SSBP2: variants seen among roughly 807,000 people sequenced by gnomAD.
SSBP2 encodes the protein single-stranded DNA-binding protein 2.
In SSBP2, 17 loss-of-function variants were observed where a neutral mutation model predicts 61.8. The ratio of observed to expected loss-of-function variants is 0.28; its 90% CI spans 0.19 to 0.41. The LOEUF (loss-of-function observed/expected upper bound fraction) is 0.41. Among genes scored for constraint, SSBP2 ranks in the 10% least tolerant of loss-of-function variants. The pLI, the probability that SSBP2 is intolerant of heterozygous loss-of-function variation, is 1.00. For synonymous variants in SSBP2, 139 were observed against 141.3 expected (o/e 0.98, Z 0.12); for missense variants, 310 against 458.7 (o/e 0.68, Z 2.96).
intron 7 of SSBP2, 87 bp downstream of exon 7, chr5:81,474,409 C>T (rs1765451645): frequency 8.6e-7 from 1 of 1,162,292 alleles, no homozygotes; most frequent in Non-Finnish European, 1.3e-6. Flanking sequence ...AGGAGATTTA[C>T]TTATACAAAT....
At chr5:81,420,577 G>C (rs1327112408) in intron 16 of SSBP2, 44 bp from the exon 17 acceptor site, 13 of 1,529,234 alleles carry the variant, frequency 8.5e-6, no homozygotes, top group Non-Finnish European at 1.2e-5. Context: ...AATTCTTTTA[G>C]AGATCACTAA....
intron 4 of SSBP2, among the ~76,000 whole-genome samples, chr5:81,573,372 G>A (rs890409385): frequency 6.6e-6 from 1 of 152,202 alleles, no homozygotes; most frequent in Admixed American, 6.5e-5. Flanking sequence ...TGCCAATGTC[G>A]AAAGCATGGC....
intron 6 of SSBP2, 119 bp from the exon 7 acceptor site, chr5:81,474,681 CAAGATTTCTT>C: frequency 1.5e-6 from 1 of 687,766 alleles, no homozygotes; most frequent in Non-Finnish European, 2.2e-6. Context: ...GAGTATTTCT[CAAGATTTCTT>C]ATATTTCACA....
chr5:81,441,594 T>C (rs1442551004), intron 13 of SSBP2, among the ~76,000 whole-genome samples: 1 of 152,154 alleles, frequency 6.6e-6, no homozygotes, highest in Non-Finnish European at 1.5e-5. Flanking sequence ...ATGAAGGCTT[T>C]TAGGAAGAAA....
intron 1 of SSBP2, among the ~76,000 whole-genome samples, chr5:81,683,419 A>G (rs994271508): frequency 5.3e-5 from 8 of 152,186 alleles, no homozygotes; most frequent in African/African-American, 1.9e-4. Context: ...TGAACAATTG[A>G]GCATAGATGT....
chr5:81,532,445 CGT>C lies in SSBP2; in HGVS notation c.283-18730_283-18729del, dbSNP rs1378637904. ...GAGCAATTGCTAAAAACAATAAAGA[CGT>C]ATACCTAACAGTAGAGAGAAAATGA... On this transcript the variant is annotated intron_variant, in intron 4 of 16. Coordinates refer to ENST00000320672, the MANE Select transcript of SSBP2 (RefSeq NM_012446.5). 2.0e-5 allele frequency among the ~76,000 whole-genome samples: 3 copies of C among 150,248 alleles called. No individual in the cohort carries two copies. In the South Asian group the frequency reaches 6.4e-4, roughly 32 times the overall value.
chr5:81,599,706 C>T (rs1744151471), intron 4 of SSBP2, among the ~76,000 whole-genome samples: 1 of 152,198 alleles, frequency 6.6e-6, no homozygotes, highest in Non-Finnish European at 1.5e-5. Flanking sequence ...GACATCTCTG[C>T]TTTTTCAATA....
At chr5:81,626,885 T>C (rs1256300226) in intron 3 of SSBP2, among the ~76,000 whole-genome samples, 1 of 152,228 alleles carries the variant, frequency 6.6e-6, no homozygotes, top group African/African-American at 2.4e-5. Flanking sequence ...TATGTGTTAC[T>C]GAGATGAGCA....
At chr5:81,579,458 G>T (rs1195494709) in intron 4 of SSBP2, among the ~76,000 whole-genome samples, 3 of 152,000 alleles carry the variant, frequency 2.0e-5, no homozygotes, top group Non-Finnish European at 4.4e-5. Flanking sequence ...TGCTCTAAGT[G>T]CTAAGGTCTA....
rs143969552 is a variant in SSBP2, at chr5:81,606,704, C to T, written c.282+8769G>A. 3.9e-3 allele frequency among the ~76,000 whole-genome samples: 591 copies of T among 152,202 alleles called. 1 individual carries two copies. The highest frequency in any genetic ancestry group is 6.8e-3 in the Non-Finnish European group (463 of 68,006). ...CTCTTTAGCCTTCCCAGTGTTATTGCTACCTCTTGTATTTCTCTGTAGTGA... is the reference window on the plus strand; with the variant it reads ...CTCTTTAGCCTTCCCAGTGTTATTGTTACCTCTTGTATTTCTCTGTAGTGA... On this transcript the variant is annotated intron_variant, in intron 4 of 16. Transcript: ENST00000320672.
intron 4 of SSBP2, among the ~76,000 whole-genome samples, chr5:81,552,558 A>C (rs996824747): frequency 3.3e-5 from 5 of 151,968 alleles, no homozygotes; most frequent in Non-Finnish European, 4.4e-5. Flanking sequence ...GACTCACTTG[A>C]ACCCAGGAGG....
In SSBP2 at chr5:81,412,931, C is replaced by T. The variant is rs755194623; in HGVS notation, c.*7573G>A. ...CAGCCATTGATATATGCATTGTAGC[C>T]TCTTCTTCCATGCATATAGATCCTT... On this transcript the variant is annotated 3_prime_UTR_variant, in exon 17 of 17. Transcript: ENST00000320672. 9 of 152,028 alleles carry T rather than the reference C, an allele frequency of 5.9e-5. No individual in the cohort carries two copies. Among genetic ancestry groups the T allele is most frequent in the Non-Finnish European group, 1.0e-4 (7 of 67,992 alleles). The allele number at this position is 152,028 out of a possible 1,614,324, so 9.4% of individuals were successfully genotyped here. A position where few individuals can be genotyped will look rare whatever the true frequency, so the allele number is the denominator to read the frequency against.
intron 4 of SSBP2, among the ~76,000 whole-genome samples, chr5:81,561,665 T>G (rs940031959): frequency 6.6e-6 from 1 of 151,734 alleles, no homozygotes; most frequent in Non-Finnish European, 1.5e-5. Flanking sequence ...CCTATATTAC[T>G]TAGAAGAAAT....
chr5:81,656,992 A>T (rs1038903727), intron 1 of SSBP2, among the ~76,000 whole-genome samples: 1 of 152,080 alleles, frequency 6.6e-6, no homozygotes, highest in Non-Finnish European at 1.5e-5. Flanking sequence ...GGAACAAGTC[A>T]CTCCCATGCT....
chr5:81,532,983 A>T (rs34414290), intron 4 of SSBP2, among the ~76,000 whole-genome samples: 1 of 151,688 alleles, frequency 6.6e-6, no homozygotes, highest in African/African-American at 2.4e-5. Flanking sequence ...GATAGTAGAC[A>T]GAAAATTAGT....
At chr5:81,699,854 C>CTTTTTTT (rs3081889) in intron 1 of SSBP2, among the ~76,000 whole-genome samples, 1 of 124,862 alleles carries the variant, frequency 8.0e-6, no homozygotes. Context: ...AAATCAATTT[C>CTTTTTTT]TTTTTTTTTT....
At chr5:81,451,646 C>T (rs766561265) in intron 10 of SSBP2, among the ~76,000 whole-genome samples, 4 of 152,168 alleles carry the variant, frequency 2.6e-5, no homozygotes, top group South Asian at 2.1e-4. Flanking sequence ...AGGCGGGTCT[C>T]GAACCCCTGA....
At chr5:81,508,317 T>C (rs986833699) in intron 5 of SSBP2, among the ~76,000 whole-genome samples, 7 of 152,148 alleles carry the variant, frequency 4.6e-5, no homozygotes, top group South Asian at 2.1e-4. Context: ...ATCAGTTCCA[T>C]AGTGTCACTC....
intron 4 of SSBP2, among the ~76,000 whole-genome samples, chr5:81,579,383 G>T (rs187460801): frequency 1.3e-5 from 2 of 152,048 alleles, no homozygotes; most frequent in Admixed American, 1.3e-4. Context: ...AGGTAATGGG[G>T]TGTCATCCCA....
Sources: allele counts gnomAD v4.1 joint callset (sites outside exome capture counted in the v4.1 genomes callset), GRCh38; gene constraint gnomAD v4.1.1; transcripts MANE v1.5; gene names NCBI Gene and HGNC (gene_info 2026-07-23, HGNC 2026-07-21).